The following RBM41 variants were observed in gnomAD, a reference collection of about 807,000 sequenced individuals.
The protein encoded by RBM41 is RNA-binding protein 41.
A neutral mutation model predicts 30.8 loss-of-function variants in RBM41; 14 were observed. The observed-to-expected ratio is 0.45, with a 90% CI of 0.30 to 0.71. The LOEUF (loss-of-function observed/expected upper bound fraction) is 0.71, where lower values mean the gene tolerates loss of function less well. Ranked by LOEUF, RBM41 falls within the 30% of genes least tolerant of loss-of-function variation. The pLI is 0.08. For missense variants in RBM41, 276 were observed against 326.3 expected (o/e 0.85, Z 1.19); for synonymous variants, 120 against 110.1 (o/e 1.09, Z -0.56).
In RBM41 at chrX:107,067,581, C is replaced by T. The variant is rs774217965; in HGVS notation, c.1260G>A (p.Ala420=). The change falls in exon 8 of 8, where the codon GCG becomes GCA. Residue 420 remains alanine, a synonymous_variant. Transcript: ENST00000685964. The part of the protein sequence containing the change: ...KNKKQRSNLQ[A]TSLISCATGS... ...CTGTAGCACATGATATGAGAGAAGT[C>T]GCTTGGAGATTTGACCGTTGCTTTT... 9.1e-6 allele frequency: 11 copies of T among 1,208,842 alleles called. No individual in the cohort carries two copies. The South Asian group carries it at 1.9e-4, about 21-fold the overall frequency.
At chrX:107,112,973 A>G (rs1924612943) in intron 5 of RBM41, 2 of 274,389 alleles carry the variant, frequency 7.3e-6, no homozygotes, top group African/African-American at 2.8e-5. Flanking sequence ...ATGAATCTAC[A>G]TGATTTACAA....
intron 6 of RBM41, among the ~76,000 whole-genome samples, chrX:107,083,567 T>C (rs1921741210): frequency 9.0e-6 from 1 of 111,677 alleles, no homozygotes; most frequent in South Asian, 3.8e-4. Context: ...CCATAGTTCT[T>C]GGATATTCTG....
At position 107,067,401 on chromosome X, in the gene RBM41, CTT is replaced by C. The variant is rs1195108410; in HGVS notation, c.*124_*125del. Reference sequence around the variant, plus strand: ...CAGTTCTCTCCAAAAGCTGAAATTACTTTTTTCCCCTCCCTCAGTTAGTTTTT... The same window carrying C: ...CAGTTCTCTCCAAAAGCTGAAATTACTTTTCCCCTCCCTCAGTTAGTTTTT... On this transcript the variant is annotated 3_prime_UTR_variant, in exon 8 of 8. Coordinates refer to ENST00000685964, the MANE Select transcript of RBM41 (RefSeq NM_001324242.2). The C allele has an allele frequency of 1.8e-6, 2 of 1,088,723 alleles. No individual in the cohort carries two copies. Among genetic ancestry groups the C allele is most frequent in the Non-Finnish European group, 2.4e-6 (2 of 839,072 alleles). The allele number at this position is 1,088,723 out of a possible 1,213,427, so 89.7% of individuals were successfully genotyped here.
chrX:107,084,523 T>TC (rs1921845919), intron 6 of RBM41, among the ~76,000 whole-genome samples: 3 of 111,624 alleles, frequency 2.7e-5, no homozygotes, highest in African/African-American at 9.8e-5. Flanking sequence ...ACAAGAGATT[T>TC]TTTTTTCTTC....
intron 6 of RBM41, among the ~76,000 whole-genome samples, chrX:107,087,760 C>T (rs1409603970): frequency 5.4e-5 from 6 of 111,360 alleles, no homozygotes; most frequent in Non-Finnish European, 1.1e-4. Context: ...CACACCACCG[C>T]GCCCAGCTAA....
intron 1 of RBM41, among the ~76,000 whole-genome samples, chrX:107,117,615 T>C (rs1238003298): frequency 8.9e-6 from 1 of 112,337 alleles, no homozygotes; most frequent in Non-Finnish European, 1.9e-5. Flanking sequence ...AGTATTGTTT[T>C]AGCCACATTG....
chrX:107,065,885 T>C lies in RBM41; in HGVS notation c.*1642A>G. 2 of 641,954 alleles carry C rather than the reference T, an allele frequency of 3.1e-6. No homozygotes were observed. Among genetic ancestry groups the C allele is most frequent in the Non-Finnish European group, 4.2e-6 (2 of 477,278 alleles). The allele number at this position is 641,954 out of a possible 1,213,427, so 52.9% of individuals were successfully genotyped here. A position where few individuals can be genotyped will look rare whatever the true frequency, so the allele number is the denominator to read the frequency against. On this transcript the variant is annotated 3_prime_UTR_variant, in exon 8 of 8. Transcript: ENST00000685964. ...AAAAGAAAAATGCATAGATTGTTTC[T>C]GATAATTACATAATTATTTTTGCCT...
chrX:107,109,031 ATTAAT>A (rs976220345), intron 5 of RBM41, among the ~76,000 whole-genome samples: 1 of 111,587 alleles, frequency 9.0e-6, no homozygotes, highest in African/African-American at 3.3e-5. Context: ...TTTAATACAA[ATTAAT>A]TTATTTAAGC....
intron 5 of RBM41, among the ~76,000 whole-genome samples, chrX:107,109,075 A>C (rs1924242370): frequency 9.0e-6 from 1 of 111,359 alleles, no homozygotes; most frequent in Non-Finnish European, 1.9e-5. Context: ...CCCCAGAGCA[A>C]CCACTAACAC....
At chrX:107,061,818 G>C (rs1454100225), downstream of RBM41, among the ~76,000 whole-genome samples, 1 of 111,598 alleles carries the variant, frequency 9.0e-6, no homozygotes, top group Non-Finnish European at 1.9e-5. Context: ...GTGGCTTTAA[G>C]TTTTCAACTG....
At chrX:107,092,827 C>T (rs1325308906) in intron 5 of RBM41, among the ~76,000 whole-genome samples, 2 of 111,454 alleles carry the variant, frequency 1.8e-5, no homozygotes, top group Non-Finnish European at 3.8e-5. Context: ...TGAAGATATG[C>T]TCAACATACA....
At chrX:107,087,761 G>A (rs754989527) in intron 6 of RBM41, among the ~76,000 whole-genome samples, 42 of 111,223 alleles carry the variant, frequency 3.8e-4, no homozygotes, top group African/African-American at 1.1e-3. Flanking sequence ...ACACCACCGC[G>A]CCCAGCTAAT....
chrX:107,070,725 T>C (rs1465022763), intron 6 of RBM41, among the ~76,000 whole-genome samples: 1 of 111,340 alleles, frequency 9.0e-6, no homozygotes, highest in East Asian at 2.8e-4. Flanking sequence ...ATTCTACCTA[T>C]TAGGCGGCAC....
At chrX:107,074,803 A>G (rs1936177352) in intron 6 of RBM41, among the ~76,000 whole-genome samples, 1 of 112,148 alleles carries the variant, frequency 8.9e-6, no homozygotes, top group Non-Finnish European at 1.9e-5. Context: ...GTGTTCATGG[A>G]TTAGAAGACT....
intron 5 of RBM41, among the ~76,000 whole-genome samples, chrX:107,103,195 A>G (rs1923609782): frequency 9.0e-6 from 1 of 111,446 alleles, no homozygotes; most frequent in Admixed American, 9.6e-5. Context: ...GTTGAACAGT[A>G]TACCTCTAAA....
At chrX:107,057,570 C>T (rs191007679), downstream of RBM41, among the ~76,000 whole-genome samples, 1 of 111,951 alleles carries the variant, frequency 8.9e-6, no homozygotes, top group East Asian at 2.8e-4. Flanking sequence ...TACAATCTGT[C>T]CTAGAGAATA....
At chrX:107,086,501 T>C (rs1414018363) in intron 6 of RBM41, among the ~76,000 whole-genome samples, 1 of 47,512 alleles carries the variant, frequency 2.1e-5, no homozygotes, top group Non-Finnish European at 4.4e-5. Context: ...TTCCCAACAC[T>C]TTTGATTGAG....
chrX:107,117,708 G>A (rs1422641595), intron 1 of RBM41, among the ~76,000 whole-genome samples: 1 of 111,510 alleles, frequency 9.0e-6, no homozygotes, highest in Admixed American at 9.5e-5. Context: ...TTTTGTTTAG[G>A]GATAAATTCA....
intron 5 of RBM41, among the ~76,000 whole-genome samples, chrX:107,111,929 T>G (rs912610793): frequency 7.2e-5 from 8 of 111,455 alleles, no homozygotes; most frequent in Non-Finnish European, 1.3e-4. Flanking sequence ...TTTGGGAAGA[T>G]GAAAAATTTC....
Sources: allele counts gnomAD v4.1 joint callset (sites outside exome capture counted in the v4.1 genomes callset), GRCh38; gene constraint gnomAD v4.1.1; transcripts MANE v1.5; gene names NCBI Gene and HGNC (gene_info 2026-07-23, HGNC 2026-07-21).